SP100: variants seen among roughly 807,000 people sequenced by gnomAD.
SP100 encodes SP100 nuclear body protein, also known as nuclear autoantigen Sp-100.
A neutral mutation model predicts 130.0 loss-of-function variants in SP100; 84 were observed. The observed-to-expected ratio is 0.65, with a 90% CI of 0.54 to 0.77. The LOEUF (loss-of-function observed/expected upper bound fraction) is 0.77. Among genes scored for constraint, SP100 ranks in the 30% least tolerant of loss-of-function variants. The pLI is 0.00. For missense variants in SP100, 978 were observed against 1,052.2 expected, an observed-to-expected ratio of 0.93 and a Z score of 0.97; for synonymous variants, 331 against 351.7, an observed-to-expected ratio of 0.94 and a Z score of 0.66.
At chr2:230,541,830 C>T in intron 27 of SP100, 62 bp from the exon 28 acceptor site, 2 of 1,551,170 alleles carry the variant, frequency 1.3e-6, no homozygotes, top group Non-Finnish European at 8.7e-7. Context: ...AACCTTTATT[C>T]CATAATAGTG....
intron 2 of SP100, among the ~76,000 whole-genome samples, chr2:230,428,567 C>T (rs992643582): frequency 3.7e-4 from 57 of 152,160 alleles, no homozygotes; most frequent in African/African-American, 1.3e-3. Flanking sequence ...CTCAGCCTCC[C>T]GAGTAGCTGG....
intron 17 of SP100, among the ~76,000 whole-genome samples, chr2:230,490,134 T>C (rs1171134625): frequency 6.6e-6 from 1 of 151,794 alleles, no homozygotes; most frequent in African/African-American, 2.4e-5. Context: ...CCCACAATTA[T>C]TATGTGGGAG....
rs754184050 is a variant in SP100, at chr2:230,503,080, AC to A, written c.1736del (p.Thr579IlefsTer4). The A allele has an allele frequency of 2.5e-6, 4 of 1,605,286 alleles. No homozygotes were observed. The highest frequency in any genetic ancestry group is 3.4e-6 in the Non-Finnish European group (4 of 1,174,238). ...AACTTTCTCAGGAAGAAAAGCCAAC[AC>A]TAGACCTTTGAAAAGAAGAAGAAAA... The part of the protein sequence containing the change: ...RWQQRGRKAN[T>X]RPLKRRRKRG... On this transcript the variant is annotated frameshift_variant, in exon 20 of 29. Coordinates refer to ENST00000340126, the MANE Select transcript of SP100 (RefSeq NM_001080391.2). LOFTEE classifies it high-confidence loss of function.
chr2:230,416,567 G>C (rs973376157), intron 1 of SP100, among the ~76,000 whole-genome samples: 1 of 152,128 alleles, frequency 6.6e-6, no homozygotes, highest in African/African-American at 2.4e-5. Context: ...TCTTGTTTTG[G>C]ATTTACTGCT....
chr2:230,479,467 G>A (rs563617731), intron 17 of SP100, among the ~76,000 whole-genome samples: 34 of 152,042 alleles, frequency 2.2e-4, no homozygotes, highest in African/African-American at 8.0e-4. Flanking sequence ...ACCTCATCAC[G>A]CTTCCCTTTT....
intron 24 of SP100, among the ~76,000 whole-genome samples, chr2:230,525,281 G>C (rs73098970): frequency 6.6e-6 from 1 of 152,100 alleles, no homozygotes; most frequent in South Asian, 2.1e-4. Context: ...CTTCATGAGC[G>C]TACAGAAAAA....
chr2:230,516,817 G>T (rs1466457834), intron 24 of SP100, among the ~76,000 whole-genome samples: 1 of 152,124 alleles, frequency 6.6e-6, no homozygotes, highest in African/African-American at 2.4e-5. Flanking sequence ...AATTGACAAG[G>T]AAATTTAGAT....
At chr2:230,419,928 TTTTAGTTACTA>T (rs2062721286) in intron 2 of SP100, among the ~76,000 whole-genome samples, 1 of 152,198 alleles carries the variant, frequency 6.6e-6, no homozygotes, top group Non-Finnish European at 1.5e-5. Flanking sequence ...TACTGAAATG[TTTTAGTTACTA>T]TGATTTTATA....
chr2:230,443,600 CT>C (rs2063555866), intron 3 of SP100, among the ~76,000 whole-genome samples: 2 of 152,290 alleles, frequency 1.3e-5, no homozygotes. Flanking sequence ...GCTTGTTATT[CT>C]TTCTCCAACA....
intron 2 of SP100, among the ~76,000 whole-genome samples, chr2:230,437,951 A>C (rs773235996): frequency 1.3e-5 from 2 of 152,212 alleles, no homozygotes; most frequent in Non-Finnish European, 2.9e-5. Flanking sequence ...TATGTAAAGA[A>C]TCAAAAAACA....
chr2:230,494,631 A>G (rs769785218), intron 18 of SP100, among the ~76,000 whole-genome samples, 171 bp downstream of exon 18: 3 of 152,186 alleles, frequency 2.0e-5, no homozygotes, highest in African/African-American at 4.8e-5. Flanking sequence ...ATCCCAAAAT[A>G]CAGTGGCTTA....
At chr2:230,460,279 T>C (rs558303128) in intron 8 of SP100, among the ~76,000 whole-genome samples, 147 of 152,286 alleles carry the variant, frequency 9.7e-4, no homozygotes, top group Middle Eastern at 3.4e-3. Flanking sequence ...ATTTCTATAA[T>C]GGAATACTAT....
chr2:230,445,578 G>A (rs2063674069), intron 4 of SP100, among the ~76,000 whole-genome samples: 1 of 152,178 alleles, frequency 6.6e-6, no homozygotes, highest in Admixed American at 6.5e-5. Context: ...TTATTGATTT[G>A]TGTCAATACT....
chr2:230,463,600 A>G (rs1158425276), intron 10 of SP100: 1 of 152,988 alleles, frequency 6.5e-6, no homozygotes, highest in Non-Finnish European at 1.5e-5. Context: ...CTAACTTTGA[A>G]CTTAGTGTAA....
rs569473248 is a variant in SP100, at chr2:230,430,224, C to A, written c.107+12559C>A. Among the ~76,000 whole-genome samples the A allele has an allele frequency of 4.6e-5, 7 of 152,330 alleles. No homozygotes were observed. In the South Asian group the frequency reaches 6.2e-4, roughly 14 times the overall value. On this transcript the variant is annotated intron_variant, in intron 2 of 28. Coordinates refer to ENST00000340126, the MANE Select transcript of SP100 (RefSeq NM_001080391.2). ...ATCTCCAGCTGGGTCAGATCATTGC[C>A]TGTGCTCTGAGGTTGGGTAAGGCCA... is the stretch of plus-strand genomic sequence containing the variant.
intron 19 of SP100, among the ~76,000 whole-genome samples, chr2:230,501,978 C>T (rs2067059122): frequency 6.6e-6 from 1 of 152,102 alleles, no homozygotes; most frequent in Non-Finnish European, 1.5e-5. Flanking sequence ...AAGCAATTCT[C>T]CTGCCTCAGC....
chr2:230,508,482 T>C (rs1223139664), intron 23 of SP100: 1 of 144,508 alleles, frequency 6.9e-6, no homozygotes, highest in Non-Finnish European at 1.5e-5. Flanking sequence ...TGCCCGGCTA[T>C]TTTTTTTGTA....
intron 2 of SP100, among the ~76,000 whole-genome samples, chr2:230,425,768 A>G (rs1364576854): frequency 6.6e-6 from 1 of 151,792 alleles, no homozygotes; most frequent in Non-Finnish European, 1.5e-5. Flanking sequence ...GGTAATGCTC[A>G]TAAAATTAGT....
intron 24 of SP100, among the ~76,000 whole-genome samples, chr2:230,518,964 T>C (rs1691046696): frequency 6.6e-6 from 1 of 152,200 alleles, no homozygotes; most frequent in Non-Finnish European, 1.5e-5. Context: ...CAGAGAGGTT[T>C]TATAGCTTTG....
Sources: allele counts gnomAD v4.1 joint callset (sites outside exome capture counted in the v4.1 genomes callset), GRCh38; gene constraint gnomAD v4.1.1; transcripts MANE v1.5; gene names NCBI Gene and HGNC (gene_info 2026-07-23, HGNC 2026-07-21).